The following PLP1 variants were observed in gnomAD, a reference collection of about 807,000 sequenced individuals.
The protein encoded by PLP1 is myelin proteolipid protein.
A neutral mutation model predicts 18.5 loss-of-function variants in PLP1; 2 were observed. The observed-to-expected ratio is 0.11, with a 90% CI of 0.04 to 0.34. The LOEUF is 0.34. Among genes scored for constraint, PLP1 ranks in the 10% least tolerant of loss-of-function variants. The pLI, the probability that PLP1 is intolerant of heterozygous loss-of-function variation, is 1.00. For missense variants in PLP1, 105 were observed against 207.3 expected (o/e 0.51, Z 3.03); for synonymous variants, 86 against 83.2 (o/e 1.03, Z -0.19).
rs1283124708 is a variant in PLP1 at position 103,791,962 on chromosome X, T to G, written c.*1364T>G. The stretch of plus-strand genomic sequence containing the variant: ...GGTGTGTTAAGAGTTAGGTTTAACA[T>G]AAAGGTTATTTTCTCCTGATATAGA... On this transcript the variant is annotated 3_prime_UTR_variant, in exon 7 of 7. Coordinates refer to ENST00000621218, the MANE Select transcript of PLP1 (RefSeq NM_000533.5). 8.9e-6 allele frequency: 1 copy of G among 112,056 alleles called. No homozygotes were observed. The highest frequency in any genetic ancestry group is 1.9e-5 in the Non-Finnish European group (1 of 53,218). 9.2% of individuals were successfully genotyped at this position (112,056 alleles called of 1,213,427 possible). A position where few individuals can be genotyped will look rare whatever the true frequency, so the allele number is the denominator to read the frequency against.
At chrX:103,784,404 T>C (rs2074477625) in intron 1 of PLP1, among the ~76,000 whole-genome samples, 1 of 111,803 alleles carries the variant, frequency 8.9e-6, no homozygotes, top group Non-Finnish European at 1.9e-5. Context: ...AGCTGCATTA[T>C]AGGAGGACAA....
rs771223706 is a variant in PLP1, at chrX:103,791,041, T to C, written c.*443T>C. ...CTATAGGGGCCAAATATATTCTCTT[T>C]GGTGTACAAAATGGAATTCATTCTG... is the stretch of plus-strand genomic sequence containing the variant. On this transcript the variant is annotated 3_prime_UTR_variant, in exon 7 of 7. Coordinates refer to ENST00000621218, the MANE Select transcript of PLP1 (RefSeq NM_000533.5). The C allele has an allele frequency of 2.0e-3, 308 of 154,727 alleles. No individual in the cohort carries two copies. The highest frequency in any genetic ancestry group is 3.2e-3 in the Non-Finnish European group (255 of 80,188). The allele number at this position is 154,727 out of a possible 1,213,427, so 12.8% of individuals were successfully genotyped here. A position where few individuals can be genotyped will look rare whatever the true frequency, so the allele number is the denominator to read the frequency against.
chrX:103,776,666 A>G (rs2074413144), upstream of PLP1: 1 of 284,742 alleles, frequency 3.5e-6, no homozygotes, highest in Non-Finnish European at 6.2e-6. Context: ...TAGGGAAAAA[A>G]GGAAAAACAA....
chrX:103,779,241 G>T (rs1381186153), intron 1 of PLP1, among the ~76,000 whole-genome samples: 3 of 112,227 alleles, frequency 2.7e-5, no homozygotes, highest in Non-Finnish European at 5.6e-5. Context: ...GCAAAACATT[G>T]TCTGCAAGCC....
chrX:103,787,519 A>G, intron 3 of PLP1: 2 of 413,317 alleles, frequency 4.8e-6, no homozygotes, highest in Non-Finnish European at 8.5e-6. Flanking sequence ...TTTACACCTT[A>G]TCTGCCCAAA....
intron 1 of PLP1, 110 bp from the exon 2 acceptor site, chrX:103,785,472 C>T (rs922553833): frequency 4.4e-5 from 29 of 655,481 alleles, no homozygotes; most frequent in African/African-American, 6.5e-5. Flanking sequence ...TTTTTGACTT[C>T]GGAGTGCCCA....
Position 103,790,380 on chromosome X carries a change from C to T in PLP1, c.763-147C>T. 5.4e-6 allele frequency: 3 copies of T among 550,704 alleles called. No homozygotes were observed. The South Asian group carries it at 7.3e-5, about 13-fold the overall frequency. 45.4% of individuals were successfully genotyped at this position (550,704 alleles called of 1,213,427 possible). On this transcript the variant is annotated intron_variant, in intron 6 of 6. Transcript: ENST00000621218. The stretch of plus-strand genomic sequence containing the variant: ...CAAGTGTATATGGAGAAAGCCAAGC[C>T]TGGGATGTACTGCTTTTTGCAGAGC...
Position 103,776,850 on chromosome X carries a change from C to T in PLP1, c.-146C>T. ...GTCAATCAGAAAGCCCTTTTCATTG[C>T]AGGAGAAGAGGACAAAGATACTCAG... is the stretch of plus-strand genomic sequence containing the variant. On this transcript the variant is annotated 5_prime_UTR_variant, in exon 1 of 7. Transcript: ENST00000621218. 1 of 584,853 alleles carries T rather than the reference C, an allele frequency of 1.7e-6. No homozygotes were observed. The highest frequency in any genetic ancestry group is 2.8e-6 in the Non-Finnish European group (1 of 355,645). 48.2% of individuals were successfully genotyped at this position (584,853 alleles called of 1,213,427 possible).
At chrX:103,784,859 G>A (rs751675303) in intron 1 of PLP1, among the ~76,000 whole-genome samples, 4 of 111,779 alleles carry the variant, frequency 3.6e-5, no homozygotes, top group Non-Finnish European at 5.6e-5. Context: ...TTCATATCCC[G>A]TATAACACCC....
chrX:103,778,447 A>G (rs1376045144), intron 1 of PLP1, among the ~76,000 whole-genome samples: 2 of 111,903 alleles, frequency 1.8e-5, no homozygotes, highest in Non-Finnish European at 3.8e-5. Flanking sequence ...TGCCCTGGGT[A>G]ACATCAGGAA....
At chrX:103,787,247 A>G (rs1256341082) in intron 3 of PLP1, among the ~76,000 whole-genome samples, 1 of 112,044 alleles carries the variant, frequency 8.9e-6, no homozygotes, top group African/African-American at 3.3e-5. Flanking sequence ...CCTGAGGGTT[A>G]TCCATGCTTT....
chrX:103,778,701 C>T (rs1323504891), intron 1 of PLP1, among the ~76,000 whole-genome samples: 1 of 111,203 alleles, frequency 9.0e-6, no homozygotes, highest in African/African-American at 3.3e-5. Flanking sequence ...TAAGGGTGGA[C>T]GATACTTGGG....
At chrX:103,777,626 C>A (rs1380099450) in intron 1 of PLP1, among the ~76,000 whole-genome samples, 1 of 111,958 alleles carries the variant, frequency 8.9e-6, no homozygotes, top group East Asian at 2.8e-4. Context: ...TTGATCATTT[C>A]TAGCAAATAT....
chrX:103,780,960 T>C (rs1488834288), intron 1 of PLP1: 2 of 145,912 alleles, frequency 1.4e-5, no homozygotes. Flanking sequence ...GTAGTGCAGA[T>C]TCGAGACCTA....
At chrX:103,788,340 G>A (rs908014653) in intron 4 of PLP1, 97 bp from the exon 5 acceptor site, 5 of 645,282 alleles carry the variant, frequency 7.7e-6, no homozygotes, top group Non-Finnish European at 1.3e-5. Context: ...TTACAGCCAG[G>A]ATAATTAGAG....
At chrX:103,786,168 C>T in intron 2 of PLP1, 1 of 1,117,389 alleles carries the variant, frequency 8.9e-7, no homozygotes, top group Non-Finnish European at 1.2e-6. Flanking sequence ...CTCCCTACTC[C>T]TGTGAGTTAG....
chrX:103,783,396 G>A (rs2074469732), intron 1 of PLP1, among the ~76,000 whole-genome samples: 1 of 112,569 alleles, frequency 8.9e-6, no homozygotes, highest in Non-Finnish European at 1.9e-5. Flanking sequence ...CAATGCTTTA[G>A]TTCTTGGAAA....
At chrX:103,790,251 C>T (rs2074533743) in intron 6 of PLP1, among the ~76,000 whole-genome samples, 1 of 112,374 alleles carries the variant, frequency 8.9e-6, no homozygotes, top group African/African-American at 3.2e-5. Context: ...CTGAGGAAAA[C>T]TCAGTGCTAG....
At chrX:103,788,379 C>A in intron 4 of PLP1, 58 bp from the exon 5 acceptor site, 1 of 854,001 alleles carries the variant, frequency 1.2e-6, no homozygotes, top group Non-Finnish European at 1.8e-6. Context: ...GGGAAAGTCT[C>A]CATGTGGCCC....
Sources: allele counts gnomAD v4.1 joint callset (sites outside exome capture counted in the v4.1 genomes callset), GRCh38; gene constraint gnomAD v4.1.1; transcripts MANE v1.5; gene names NCBI Gene and HGNC (gene_info 2026-07-23, HGNC 2026-07-21).